Variants in KCND3 observed in about 807,000 individuals in gnomAD.
KCND3 encodes the protein potassium voltage-gated channel subfamily D member 3, also known as A-type voltage-gated potassium channel KCND3.
A neutral mutation model predicts 51.1 loss-of-function variants in KCND3; 9 were observed. The ratio of observed to expected loss-of-function variants is 0.18; its 90% CI spans 0.11 to 0.31. The LOEUF is 0.31. Ranked by LOEUF, KCND3 falls within the 10% of genes least tolerant of loss-of-function variation. The pLI is 1.00. For missense variants in KCND3, 526 were observed against 903.8 expected (o/e 0.58, Z 5.36); for synonymous variants, 349 against 368.0 (o/e 0.95, Z 0.59).
At chr1:111,911,192 G>A (rs1051034497) in intron 2 of KCND3, among the ~76,000 whole-genome samples, 7 of 152,170 alleles carry the variant, frequency 4.6e-5, no homozygotes, top group South Asian at 2.1e-4. Context: ...CTTTTGCATG[G>A]CTACCACCAG....
intron 2 of KCND3, among the ~76,000 whole-genome samples, chr1:111,857,779 TC>T (rs1180397130): frequency 2.6e-5 from 4 of 151,708 alleles, no homozygotes; most frequent in African/African-American, 9.7e-5. Flanking sequence ...AAGAGCCCCC[TC>T]CTTGACTCTC....
At chr1:111,852,823 AG>A (rs1372114019) in intron 2 of KCND3, among the ~76,000 whole-genome samples, 1 of 152,178 alleles carries the variant, frequency 6.6e-6, no homozygotes, top group Non-Finnish European at 1.5e-5. Flanking sequence ...ATCCGCTCTC[AG>A]GCAGGTGGGC....
intron 2 of KCND3, among the ~76,000 whole-genome samples, chr1:111,949,087 G>C (rs1672929804): frequency 6.6e-6 from 1 of 152,144 alleles, no homozygotes; most frequent in Admixed American, 6.6e-5. Context: ...ACAGGGGCTT[G>C]CAACTGGGCT....
At chr1:111,834,000 T>C (rs1179540341) in intron 2 of KCND3, among the ~76,000 whole-genome samples, 1 of 152,130 alleles carries the variant, frequency 6.6e-6, no homozygotes, top group Non-Finnish European at 1.5e-5. Context: ...AGTTATCCAA[T>C]CAGGTATGAA....
chr1:111,774,574 G>A lies in KCND3; in HGVS notation c.*1503C>T, dbSNP rs197420. ...ACTCCTTTGCTTGCACAGAGGTGAT[G>A]AGGCTTCTCCCCCATTTCAGCATCT... On this transcript the variant is annotated 3_prime_UTR_variant, in exon 8 of 8. Coordinates refer to ENST00000302127, the MANE Select transcript of KCND3 (RefSeq NM_001378969.1). The A allele has an allele frequency of 2.7e-4, 41 of 152,250 alleles. No individual in the cohort carries two copies. Among genetic ancestry groups the A allele is most frequent in the African/African-American group, 9.9e-4 (41 of 41,518 alleles). The allele number at this position is 152,250 out of a possible 1,614,324, so 9.4% of individuals were successfully genotyped here. A position where few individuals can be genotyped will look rare whatever the true frequency, so the allele number is the denominator to read the frequency against.
At chr1:111,807,954 T>C (rs1012724821) in intron 2 of KCND3, among the ~76,000 whole-genome samples, 6 of 152,150 alleles carry the variant, frequency 3.9e-5, no homozygotes, top group Admixed American at 1.3e-4. Flanking sequence ...TCTTAAGAAA[T>C]GGGAACTAAA....
chr1:111,913,163 A>G (rs1671044421), intron 2 of KCND3, among the ~76,000 whole-genome samples: 1 of 152,214 alleles, frequency 6.6e-6, no homozygotes, highest in African/African-American at 2.4e-5. Flanking sequence ...TACACAAACA[A>G]TTACCATTGT....
intron 2 of KCND3, among the ~76,000 whole-genome samples, chr1:111,811,947 G>A (rs576573265): frequency 6.6e-6 from 1 of 152,168 alleles, no homozygotes; most frequent in Admixed American, 6.5e-5. Flanking sequence ...TAGGGACAGC[G>A]CAGAGTGGTG....
At chr1:111,783,576 AGTATT>A (rs532951943) in intron 3 of KCND3, among the ~76,000 whole-genome samples, 340 of 152,338 alleles carry the variant, frequency 2.2e-3, no homozygotes, top group Middle Eastern at 3.4e-3. Context: ...TTTAACCATG[AGTATT>A]TCTATCTTTT....
chr1:111,915,307 A>C (rs1557716598), intron 2 of KCND3, among the ~76,000 whole-genome samples: 1 of 152,222 alleles, frequency 6.6e-6, no homozygotes, highest in Non-Finnish European at 1.5e-5. Flanking sequence ...AAAAACTTCA[A>C]TTAAAAAGCA....
At chr1:111,869,407 C>T (rs149213870) in intron 2 of KCND3, among the ~76,000 whole-genome samples, 7 of 152,332 alleles carry the variant, frequency 4.6e-5, no homozygotes, top group African/African-American at 1.7e-4. Flanking sequence ...AGCATCACTT[C>T]ACCTTCTTCC....
chr1:111,870,397 CTG>C (rs1368558112), intron 2 of KCND3, among the ~76,000 whole-genome samples: 1 of 152,216 alleles, frequency 6.6e-6, no homozygotes, highest in Non-Finnish European at 1.5e-5. Flanking sequence ...ATCAGAGTCA[CTG>C]TGTCACAGAC....
intron 3 of KCND3, among the ~76,000 whole-genome samples, chr1:111,786,274 G>A (rs968828122): frequency 6.6e-6 from 1 of 152,234 alleles, no homozygotes; most frequent in African/African-American, 2.4e-5. Flanking sequence ...GCTTCTTTCT[G>A]AGCACCAAAG....
intron 2 of KCND3, among the ~76,000 whole-genome samples, chr1:111,979,153 G>A (rs142419644): frequency 1.7e-4 from 26 of 152,248 alleles, no homozygotes; most frequent in East Asian, 1.4e-3. Context: ...CCAGGTCCAC[G>A]TTCAGGGAAA....
At chr1:111,811,020 C>T (rs1402967995) in intron 2 of KCND3, among the ~76,000 whole-genome samples, 2 of 152,236 alleles carry the variant, frequency 1.3e-5, no homozygotes, top group African/African-American at 4.8e-5. Flanking sequence ...CTGACACACA[C>T]ACCCGGCTGC....
chr1:111,918,100 T>C (rs1295176048), intron 2 of KCND3, among the ~76,000 whole-genome samples: 1 of 152,216 alleles, frequency 6.6e-6, no homozygotes, highest in Non-Finnish European at 1.5e-5. Flanking sequence ...ACATAATAAG[T>C]GCTCAGTAAA....
rs1320550783 is a variant in KCND3, at chr1:111,982,322, C to G, written c.405G>C (p.Glu135Asp). Residue 135 changes from glutamate (E) to aspartate (D), a missense_variant, in exon 2 of 8, where the codon GAG becomes GAC. Transcript: ENST00000302127. The surrounding 1 kb of genome is among the most constrained non-coding windows in gnomAD (Gnocchi z 8.5). ...PEIIGDCCYEEYKDRKRENAE... is the reference protein window; with the variant it reads ...PEIIGDCCYEDYKDRKRENAE... ...CGTTCTCCCTCTTGCGGTCCTTGTACTCCTCGTAGCAGCAGTCCCCGATGA... is the reference window on the plus strand; with the variant it reads ...CGTTCTCCCTCTTGCGGTCCTTGTAGTCCTCGTAGCAGCAGTCCCCGATGA... The G allele has an allele frequency of 6.2e-7, 1 of 1,614,158 alleles. No homozygotes were observed.
In KCND3 at chr1:111,917,873, C is replaced by T. The variant is rs17029055; in HGVS notation, c.1106+63748G>A. ...AAAACAGGGTGCTTCCCTGCTTCTG[C>T]AGACGGAATTGAATAGGCACATTTA... On this transcript the variant is annotated intron_variant, in intron 2 of 7. Transcript: ENST00000302127. 6.2e-3 allele frequency among the ~76,000 whole-genome samples: 948 copies of T among 152,288 alleles called. 10 individuals carry two copies. The highest frequency in any genetic ancestry group is 0.021 in the African/African-American group (879 of 41,544).
chr1:111,923,796 G>A (rs935765222), intron 2 of KCND3, among the ~76,000 whole-genome samples: 3 of 152,132 alleles, frequency 2.0e-5, no homozygotes, highest in African/African-American at 7.2e-5. Flanking sequence ...GGTGCTAATG[G>A]TCAGTTGACT....
Sources: gnomAD v4.1 joint callset for allele counts (sites outside exome capture counted in the v4.1 genomes callset) on GRCh38, gnomAD v4.1.1 for gene constraint, Gnocchi (gnomAD v3.1) non-coding constraint, MANE v1.5 for transcripts, NCBI Gene and HGNC (gene_info 2026-07-23, HGNC 2026-07-21) for gene names.